Variants in LRFN5 observed in about 807,000 individuals in gnomAD.
LRFN5 encodes leucine rich repeat and fibronectin type III domain containing 5, also known as leucine-rich repeat and fibronectin type-III domain-containing protein 5.
In LRFN5, 24 loss-of-function variants were observed where a neutral mutation model predicts 45.6. That is an observed-to-expected ratio of 0.53 (90% CI 0.38 to 0.74). LRFN5 has a LOEUF of 0.74. LRFN5 is among the 30% of genes least tolerant of loss of function. The pLI, the probability that LRFN5 is intolerant of heterozygous loss-of-function variation, is 0.00. For synonymous variants in LRFN5, 340 were observed against 313.8 expected, an observed-to-expected ratio of 1.08 and a Z score of -0.88; for missense variants, 776 against 861.5, an observed-to-expected ratio of 0.90 and a Z score of 1.24.
intron 1 of LRFN5, among the ~76,000 whole-genome samples, chr14:41,757,707 G>A (rs1232047842): frequency 6.6e-6 from 1 of 152,294 alleles, no homozygotes; most frequent in East Asian, 1.9e-4. Context: ...GCGCTTGCCA[G>A]GTGAGGCGAT....
At chr14:41,836,758 G>T (rs1370673927) in intron 2 of LRFN5, among the ~76,000 whole-genome samples, 1 of 152,082 alleles carries the variant, frequency 6.6e-6, no homozygotes, top group African/African-American at 2.4e-5. Flanking sequence ...ACCTAAACAG[G>T]TTCATTCAGA....
At chr14:41,631,510 T>G (rs1888532961) in intron 1 of LRFN5, among the ~76,000 whole-genome samples, 2 of 151,730 alleles carry the variant, frequency 1.3e-5, no homozygotes, top group Admixed American at 1.3e-4. Context: ...AGATAATAAA[T>G]GAGGAAACAT....
At chr14:41,870,883 C>T (rs928661946) in intron 2 of LRFN5, among the ~76,000 whole-genome samples, 1 of 152,000 alleles carries the variant, frequency 6.6e-6, no homozygotes, top group African/African-American at 2.4e-5. Context: ...CATTGTAGCA[C>T]ATGTTTTATT....
intron 1 of LRFN5, among the ~76,000 whole-genome samples, chr14:41,705,162 A>C (rs1883012169): frequency 6.6e-6 from 1 of 151,032 alleles, no homozygotes; most frequent in Admixed American, 6.7e-5. Flanking sequence ...GAGCCTCAAA[A>C]TCTATTTGGT....
At chr14:41,648,556 C>A (rs1313269042) in intron 1 of LRFN5, among the ~76,000 whole-genome samples, 3 of 152,004 alleles carry the variant, frequency 2.0e-5, no homozygotes, top group Non-Finnish European at 4.4e-5. Flanking sequence ...AAAAAATGCT[C>A]AGGATTAATT....
At chr14:41,684,121 A>G (rs1454437624) in intron 1 of LRFN5, among the ~76,000 whole-genome samples, 4 of 152,186 alleles carry the variant, frequency 2.6e-5, no homozygotes, top group African/African-American at 9.6e-5. Flanking sequence ...GAGAATCCAG[A>G]AACAATTTCA....
At chr14:41,670,543 G>A (rs1488137443) in intron 1 of LRFN5, among the ~76,000 whole-genome samples, 3 of 151,364 alleles carry the variant, frequency 2.0e-5, no homozygotes, top group Non-Finnish European at 4.4e-5. Flanking sequence ...TTATATTTAT[G>A]TAGCTTATCT....
At chr14:41,796,583 TTAG>T (rs1284384759) in intron 2 of LRFN5, among the ~76,000 whole-genome samples, 1 of 151,944 alleles carries the variant, frequency 6.6e-6, no homozygotes, top group African/African-American at 2.4e-5. Flanking sequence ...TATAAGTACT[TTAG>T]TATATCACAT....
chr14:41,843,444 T>C (rs771507434), intron 2 of LRFN5, among the ~76,000 whole-genome samples: 7 of 152,176 alleles, frequency 4.6e-5, no homozygotes, highest in African/African-American at 7.2e-5. Context: ...TATTTATCAA[T>C]TATTTATTTA....
intron 2 of LRFN5, among the ~76,000 whole-genome samples, chr14:41,836,889 T>C (rs908531492): frequency 6.6e-6 from 1 of 152,040 alleles, no homozygotes; most frequent in Non-Finnish European, 1.5e-5. Flanking sequence ...AGGAAGATAG[T>C]AGCAGCAGGA....
chr14:41,886,874 C>G lies in LRFN5; in HGVS notation c.249C>G (p.Ser83=), dbSNP rs1890591239. 6.2e-7 allele frequency: 1 copy of G among 1,614,140 alleles called. No individual in the cohort carries two copies. Among genetic ancestry groups the G allele is most frequent in the Non-Finnish European group, 8.5e-7 (1 of 1,180,020 alleles). The change falls in exon 3 of 6, where the codon TCC becomes TCG. Residue 83 remains serine (S), a synonymous_variant. Transcript: ENST00000298119. Reference sequence around the variant, plus strand: ...CCAGCTTGGTGGACCTGACTCTATCCAGGAATACAATAAGTTTTATTACAC... The same window carrying G: ...CCAGCTTGGTGGACCTGACTCTATCGAGGAATACAATAAGTTTTATTACAC... ...NMTSLVDLTL[S]RNTISFITPH...
At position 41,606,985 on chromosome 14, in the gene LRFN5, C is replaced by T. The variant is rs544829104; in HGVS notation, c.-1774C>T. On this transcript the variant is annotated 5_prime_UTR_variant, in exon 1 of 6. Coordinates refer to ENST00000298119, the MANE Select transcript of LRFN5 (RefSeq NM_152447.5). ...GGAAGCCCAGCTCCCGGGTCCGCCC[C>T]GGCCGCGGCCGCAGCCCCGGACCTC... 2.0e-5 allele frequency among the ~76,000 whole-genome samples: 3 copies of T among 152,018 alleles called. No homozygotes were observed. Among genetic ancestry groups the T allele is most frequent in the East Asian group, 1.9e-4 (1 of 5,174 alleles).
At chr14:41,645,629 T>C (rs910722672) in intron 1 of LRFN5, among the ~76,000 whole-genome samples, 3 of 152,236 alleles carry the variant, frequency 2.0e-5, no homozygotes, top group Admixed American at 6.5e-5. Context: ...CATTTAAGCA[T>C]TTAAGGTCAC....
At position 41,887,403 on chromosome 14, in the gene LRFN5, T is replaced by C; in HGVS notation, c.778T>C (p.Leu260=). 1 of 1,614,200 alleles carries C rather than the reference T, an allele frequency of 6.2e-7. No homozygotes were observed. ...GAGGCGTCTGTCCAGAGAAGATGAC[T>C]TAGAGACCTGTGCTTCTCCTCCACT... ...WLRRLSREDD[L]ETCASPPLLT... is the part of the protein sequence containing the mutation. Residue 260 remains leucine (L), a synonymous_variant, in exon 3 of 6, where the codon TTA becomes CTA. Transcript: ENST00000298119. This position sits in a 1 kb window ranked among gnomAD's most constrained non-coding sequence, Gnocchi z 4.8.
intron 1 of LRFN5, among the ~76,000 whole-genome samples, chr14:41,741,551 C>T (rs138808256): frequency 1.7e-4 from 26 of 151,646 alleles, no homozygotes; most frequent in East Asian, 5.9e-4. Context: ...TAATTCAAAA[C>T]GGACAAAAGA....
At chr14:41,763,473 G>T (rs1211821142) in intron 1 of LRFN5, among the ~76,000 whole-genome samples, 3 of 152,050 alleles carry the variant, frequency 2.0e-5, no homozygotes, top group Non-Finnish European at 4.4e-5. Flanking sequence ...AGTTCTTTCT[G>T]AGTTTAGTAT....
At chr14:41,856,728 G>C (rs1269227816) in intron 2 of LRFN5, among the ~76,000 whole-genome samples, 1 of 105,430 alleles carries the variant, frequency 9.5e-6, no homozygotes, top group Non-Finnish European at 1.8e-5. Flanking sequence ...CCAGGCAGGA[G>C]TGCTGTGGCG....
intron 2 of LRFN5, among the ~76,000 whole-genome samples, chr14:41,776,027 T>G (rs1488569395): frequency 6.6e-6 from 1 of 152,176 alleles, no homozygotes; most frequent in African/African-American, 2.4e-5. Flanking sequence ...GAAATTGGTG[T>G]GGCCTGAATG....
intron 1 of LRFN5, among the ~76,000 whole-genome samples, chr14:41,749,078 A>G (rs1271280234): frequency 2.0e-5 from 3 of 152,106 alleles, no homozygotes; most frequent in Non-Finnish European, 2.9e-5. Context: ...CACTGTTATG[A>G]TAACTTGGCC....
Sources: gnomAD v4.1 joint callset for allele counts (sites outside exome capture counted in the v4.1 genomes callset) on GRCh38, gnomAD v4.1.1 for gene constraint, Gnocchi (gnomAD v3.1) non-coding constraint, MANE v1.5 for transcripts, NCBI Gene and HGNC (gene_info 2026-07-23, HGNC 2026-07-21) for gene names.